The following COA1 variants were observed in gnomAD, a reference collection of about 807,000 sequenced individuals.
The protein encoded by COA1 is cytochrome c oxidase assembly factor 1, also known as cytochrome c oxidase assembly factor 1 homolog.
In COA1, 13 loss-of-function variants were observed where a neutral mutation model predicts 16.0. That is an observed-to-expected ratio of 0.81 (90% confidence interval 0.53 to 1.29). The LOEUF is 1.29. COA1 is among the 50% of genes most tolerant of loss of function. The pLI, the probability that COA1 is intolerant of heterozygous loss-of-function variation, is 0.00. For missense variants in COA1, 179 were observed against 177.0 expected, an observed-to-expected ratio of 1.01 and a Z score of -0.06; for synonymous variants, 65 against 65.7, an observed-to-expected ratio of 0.99 and a Z score of 0.05.
At chr7:43,635,252 G>A (rs983111601), downstream of COA1, among the ~76,000 whole-genome samples, 7 of 152,166 alleles carry the variant, frequency 4.6e-5, no homozygotes, top group African/African-American at 1.2e-4. Flanking sequence ...TCTAAGCCAT[G>A]TCTTAGGTTA....
At chr7:43,639,746 AAAAG>A in intron 5 of COA1, 65 bp from the exon 6 acceptor site, 1 of 1,279,124 alleles carries the variant, frequency 7.8e-7, no homozygotes, top group Non-Finnish European at 1.1e-6. Flanking sequence ...CGTAGTCAAA[AAAAG>A]GGGCGCGGAA....
At chr7:43,698,830 A>T (rs1245041993) in intron 1 of COA1, among the ~76,000 whole-genome samples, 4 of 152,198 alleles carry the variant, frequency 2.6e-5, no homozygotes, top group African/African-American at 9.6e-5. Flanking sequence ...TAACAATTAG[A>T]TACGGCTTGA....
chr7:43,713,237 C>G (rs2095305358), intron 1 of COA1, among the ~76,000 whole-genome samples: 1 of 152,184 alleles, frequency 6.6e-6, no homozygotes, highest in Non-Finnish European at 1.5e-5. Flanking sequence ...CAGGCATGAG[C>G]CACCATGCCC....
intron 1 of COA1, among the ~76,000 whole-genome samples, chr7:43,697,126 A>G (rs994354159): frequency 2.0e-5 from 3 of 151,972 alleles, no homozygotes; most frequent in Non-Finnish European, 4.4e-5. Flanking sequence ...CTCAAAAAAC[A>G]AAAAACAAAA....
At chr7:43,689,675 A>G (rs2130873454) in intron 1 of COA1, among the ~76,000 whole-genome samples, 1 of 152,370 alleles carries the variant, frequency 6.6e-6, no homozygotes, top group Middle Eastern at 3.4e-3. Flanking sequence ...GTTAATGACT[A>G]AAGCAAACCT....
At chr7:43,728,746 G>A (rs1244825468) in intron 1 of COA1, among the ~76,000 whole-genome samples, 1 of 152,194 alleles carries the variant, frequency 6.6e-6, no homozygotes, top group Admixed American at 6.5e-5. Context: ...CTATCCAAAC[G>A]TGAGCCACCT....
chr7:43,669,646 C>T (rs990561065), intron 1 of COA1, among the ~76,000 whole-genome samples: 4 of 152,108 alleles, frequency 2.6e-5, no homozygotes, highest in Non-Finnish European at 5.9e-5. Context: ...TTTTCTGACG[C>T]ACACAGGGTT....
chr7:43,633,181 G>A (rs2085339607), intron 6 of COA1: 2 of 152,168 alleles, frequency 1.3e-5, no homozygotes, highest in Admixed American at 1.3e-4. Context: ...CACTTTCATC[G>A]ATGGTCCAAG....
intron 1 of COA1, among the ~76,000 whole-genome samples, chr7:43,686,576 G>A (rs2094044618): frequency 6.6e-6 from 1 of 152,096 alleles, no homozygotes; most frequent in Admixed American, 6.5e-5. Flanking sequence ...TTACAGGCGT[G>A]AGCCACCGCG....
intron 1 of COA1, among the ~76,000 whole-genome samples, chr7:43,708,203 C>CA (rs974034711): frequency 2.7e-5 from 4 of 150,902 alleles, no homozygotes; most frequent in Non-Finnish European, 4.4e-5. Context: ...CACTCCGTCT[C>CA]AAAAAAAAAG....
chr7:43,655,277 A>G (rs1446125506), intron 1 of COA1, among the ~76,000 whole-genome samples: 1 of 152,238 alleles, frequency 6.6e-6, no homozygotes, highest in Non-Finnish European at 1.5e-5. Context: ...CATCTCTACT[A>G]AAAATACAAA....
At chr7:43,706,714 A>G (rs1035216862) in intron 1 of COA1, among the ~76,000 whole-genome samples, 1 of 151,952 alleles carries the variant, frequency 6.6e-6, no homozygotes, top group East Asian at 1.9e-4. Flanking sequence ...ACAAAAAAAT[A>G]GAAAAATTAG....
At chr7:43,656,597 G>A (rs749097713) in intron 1 of COA1, among the ~76,000 whole-genome samples, 1 of 152,224 alleles carries the variant, frequency 6.6e-6, no homozygotes, top group Non-Finnish European at 1.5e-5. Context: ...GGGAGGCTGA[G>A]GCAGGAGAAA....
At chr7:43,677,391 A>T (rs1338649235) in intron 1 of COA1, among the ~76,000 whole-genome samples, 19 of 152,242 alleles carry the variant, frequency 1.2e-4, no homozygotes, top group Admixed American at 1.2e-3. Context: ...TAATGACCAA[A>T]AAAGGAAAAA....
chr7:43,656,550 G>T (rs540127020), intron 1 of COA1, among the ~76,000 whole-genome samples: 8 of 152,166 alleles, frequency 5.3e-5, no homozygotes, highest in African/African-American at 1.9e-4. Flanking sequence ...ATAAAAATTG[G>T]CTGGGCATGG....
chr7:43,701,273 A>G (rs951207274), intron 1 of COA1, among the ~76,000 whole-genome samples: 2 of 151,910 alleles, frequency 1.3e-5, no homozygotes, highest in African/African-American at 4.8e-5. Flanking sequence ...CCATCCTCAA[A>G]TCCTCCATCA....
chr7:43,703,916 T>C (rs910922735), intron 1 of COA1, among the ~76,000 whole-genome samples: 2 of 152,226 alleles, frequency 1.3e-5, no homozygotes, highest in African/African-American at 4.8e-5. Flanking sequence ...CTTTATTGTG[T>C]CAGTGGGCTA....
chr7:43,654,256 C>T (rs907955154), intron 1 of COA1, among the ~76,000 whole-genome samples: 15 of 152,172 alleles, frequency 9.9e-5, no homozygotes, highest in Admixed American at 9.2e-4. Flanking sequence ...TTGTCATTTC[C>T]CCACCCCACT....
intron 5 of COA1, 116 bp downstream of exon 5, chr7:43,640,457 A>T (rs1055367841): frequency 3.7e-6 from 3 of 812,944 alleles, no homozygotes; most frequent in Non-Finnish European, 6.0e-6. Context: ...TCAAGCTTGA[A>T]AAATAATTCT....
Sources: allele counts gnomAD v4.1 joint callset (sites outside exome capture counted in the v4.1 genomes callset), GRCh38; gene constraint gnomAD v4.1.1; transcripts MANE v1.5; gene names NCBI Gene and HGNC (gene_info 2026-07-23, HGNC 2026-07-21).